BTRC: variants seen among roughly 807,000 people sequenced by gnomAD.
BTRC encodes beta-transducin repeat containing E3 ubiquitin protein ligase.
Under a neutral mutation model 85.5 loss-of-function variants are expected in BTRC, and 42 were observed. The observed-to-expected ratio is 0.49, with a 90% CI of 0.38 to 0.64. The LOEUF is 0.64. BTRC is among the 30% of genes least tolerant of loss of function. BTRC has a pLI of 0.00. For synonymous variants in BTRC, 255 were observed against 263.3 expected (o/e 0.97, Z 0.30); for missense variants, 594 against 743.5 (o/e 0.80, Z 2.34).
chr10:101,372,416 G>A (rs1188226605), intron 1 of BTRC, among the ~76,000 whole-genome samples: 1 of 149,496 alleles, frequency 6.7e-6, no homozygotes, highest in African/African-American at 2.4e-5. Context: ...CACCACGCCC[G>A]GCTAATTTTT....
At chr10:101,550,196 A>G (rs1044601180) in intron 13 of BTRC, among the ~76,000 whole-genome samples, 1 of 152,160 alleles carries the variant, frequency 6.6e-6, no homozygotes, top group African/African-American at 2.4e-5. Flanking sequence ...GCCAAAGAGT[A>G]TTGCTTTGTT....
chr10:101,467,692 T>C (rs192141211), intron 3 of BTRC, among the ~76,000 whole-genome samples: 2 of 152,164 alleles, frequency 1.3e-5, no homozygotes, highest in Non-Finnish European at 2.9e-5. Context: ...CTTTGGGCTT[T>C]GGGTAAAAAA....
At chr10:101,412,049 A>C (rs1943794995) in intron 1 of BTRC, among the ~76,000 whole-genome samples, 1 of 152,204 alleles carries the variant, frequency 6.6e-6, no homozygotes, top group African/African-American at 2.4e-5. Flanking sequence ...GGCTTCTGAA[A>C]TCTGACCAGT....
intron 4 of BTRC, among the ~76,000 whole-genome samples, 153 bp downstream of exon 4, chr10:101,479,610 C>T (rs901308378): frequency 5.9e-5 from 9 of 152,186 alleles, no homozygotes; most frequent in African/African-American, 1.9e-4. Context: ...GAACAGATTG[C>T]AAGTTAGATT....
At chr10:101,503,083 GTTAA>G (rs1946434914) in intron 4 of BTRC, among the ~76,000 whole-genome samples, 1 of 152,088 alleles carries the variant, frequency 6.6e-6, no homozygotes, top group Admixed American at 6.6e-5. Flanking sequence ...GCCCAGAGAA[GTTAA>G]TTAATTTACT....
intron 11 of BTRC, among the ~76,000 whole-genome samples, chr10:101,535,843 C>T (rs2062377402): frequency 6.6e-6 from 1 of 152,102 alleles, no homozygotes; most frequent in Admixed American, 6.5e-5. Context: ...ATGAAGATTT[C>T]ACAGTTGGAA....
intron 1 of BTRC, among the ~76,000 whole-genome samples, chr10:101,401,724 G>T (rs575160795): frequency 6.6e-6 from 1 of 151,572 alleles, no homozygotes; most frequent in Non-Finnish European, 1.5e-5. Flanking sequence ...TGTAATCCTG[G>T]CACTTTCTGA....
chr10:101,387,289 G>C (rs1219249576), intron 1 of BTRC, among the ~76,000 whole-genome samples: 1 of 151,292 alleles, frequency 6.6e-6, no homozygotes, highest in Non-Finnish European at 1.5e-5. Context: ...TTAGTAATTA[G>C]TGTATGTATC....
chr10:101,394,508 G>T (rs558065321), intron 1 of BTRC, among the ~76,000 whole-genome samples: 7 of 152,248 alleles, frequency 4.6e-5, no homozygotes, highest in Non-Finnish European at 8.8e-5. Context: ...CAGTTGTCTA[G>T]TTTCAAAGGT....
intron 1 of BTRC, among the ~76,000 whole-genome samples, chr10:101,401,011 C>A (rs1943479721): frequency 6.6e-6 from 1 of 152,096 alleles, no homozygotes; most frequent in Non-Finnish European, 1.5e-5. Flanking sequence ...AATTGTGTAA[C>A]CCCATGATTC....
At chr10:101,534,996 C>T (rs757722992) in intron 10 of BTRC, 86 bp downstream of exon 10, 22 of 1,441,192 alleles carry the variant, frequency 1.5e-5, no homozygotes, top group African/African-American at 7.1e-5. Context: ...CATATTTAAA[C>T]GTTGCTACAG....
At chr10:101,412,902 A>C (rs554747071) in intron 1 of BTRC, among the ~76,000 whole-genome samples, 1 of 152,364 alleles carries the variant, frequency 6.6e-6, no homozygotes, top group Non-Finnish European at 1.5e-5. Flanking sequence ...AGAAATAGAT[A>C]ATCAAAAGTG....
At chr10:101,421,696 C>T (rs745753346) in intron 1 of BTRC, among the ~76,000 whole-genome samples, 6 of 137,794 alleles carry the variant, frequency 4.4e-5, no homozygotes, top group Non-Finnish European at 9.1e-5. Context: ...TTGTTCAATT[C>T]CCACCAAGAG....
At chr10:101,392,658 C>A (rs11190987) in intron 1 of BTRC, among the ~76,000 whole-genome samples, 20,600 of 151,938 alleles carry the variant, frequency 0.14, 1,781 homozygotes, top group Non-Finnish European at 0.19. Context: ...CACCACCACA[C>A]CTGGCTAATT....
At chr10:101,395,989 T>A (rs185858401) in intron 1 of BTRC, among the ~76,000 whole-genome samples, 243 of 152,240 alleles carry the variant, frequency 1.6e-3, no homozygotes, top group African/African-American at 5.3e-3. Context: ...ATTTTTGTTT[T>A]TTGCCTCAGC....
chr10:101,370,595 A>T (rs1042607414), intron 1 of BTRC, among the ~76,000 whole-genome samples: 4 of 151,848 alleles, frequency 2.6e-5, no homozygotes, highest in African/African-American at 7.3e-5. Context: ...TCCCAAGATC[A>T]TACAGATCCT....
chr10:101,357,869 T>C (rs548684164), intron 1 of BTRC, among the ~76,000 whole-genome samples: 1 of 152,348 alleles, frequency 6.6e-6, no homozygotes, highest in Admixed American at 6.5e-5. Flanking sequence ...TAAATGATAT[T>C]GAAAGCAACG....
At chr10:101,444,011 C>T (rs1944760014) in intron 2 of BTRC, among the ~76,000 whole-genome samples, 1 of 152,152 alleles carries the variant, frequency 6.6e-6, no homozygotes, top group Non-Finnish European at 1.5e-5. Flanking sequence ...CATATAATTA[C>T]TAGTGTTAAC....
rs752361392 is a variant in BTRC, at chr10:101,462,037, A to C, written c.213A>C (p.Pro71=). The change falls in exon 3 of 15, where the codon CCA becomes CCC. Residue 71 remains proline (P), a synonymous_variant. Transcript: ENST00000370187. ...NNGEPPRKII[P]EKNSLRQTYN... ...GCGAACCCCCTAGGAAGATAATACC[A>C]GAGAAGAATTCACTTAGACAGGTAT... 6.2e-7 allele frequency: 1 copy of C among 1,611,712 alleles called. No individual in the cohort carries two copies. Among genetic ancestry groups the C allele is most frequent in the Non-Finnish European group, 8.5e-7 (1 of 1,178,290 alleles).
Sources: gnomAD v4.1 joint callset for allele counts (sites outside exome capture counted in the v4.1 genomes callset) on GRCh38, gnomAD v4.1.1 for gene constraint, MANE v1.5 for transcripts, NCBI Gene and HGNC (gene_info 2026-07-23, HGNC 2026-07-21) for gene names.